The following DLC1 variants were observed in gnomAD, a reference collection of about 807,000 sequenced individuals.
DLC1 encodes rho GTPase-activating protein 7.
A neutral mutation model predicts 140.3 loss-of-function variants in DLC1; 54 were observed. The observed-to-expected ratio is 0.38, with a 90% CI of 0.31 to 0.48. DLC1 has a LOEUF of 0.48. Ranked by LOEUF, DLC1 falls within the 20% of genes least tolerant of loss-of-function variation. The probability of loss-of-function intolerance (pLI) is 0.96; values close to 1 mark genes in which losing one functional copy is unlikely to be tolerated. For synonymous variants in DLC1, 986 were observed against 728.1 expected, an observed-to-expected ratio of 1.35 and a Z score of -5.70; for missense variants, 2,536 against 1,907.0, an observed-to-expected ratio of 1.33 and a Z score of -6.14.
chr8:13,131,872 C>T (rs891757254), intron 5 of DLC1, among the ~76,000 whole-genome samples: 1 of 152,218 alleles, frequency 6.6e-6, no homozygotes, highest in Non-Finnish European at 1.5e-5. Flanking sequence ...TCACTTTCCT[C>T]GCCCCAGGGG....
intron 4 of DLC1, among the ~76,000 whole-genome samples, chr8:13,318,145 A>C (rs1832930415): frequency 6.6e-6 from 1 of 151,916 alleles, no homozygotes; most frequent in South Asian, 2.1e-4. Flanking sequence ...CTCTTGCCTC[A>C]GTCTCCTGAG....
chr8:13,558,360 T>G (rs567724299), intron 1 of DLC1: 1 of 152,258 alleles, frequency 6.6e-6, no homozygotes, highest in East Asian at 1.9e-4. Flanking sequence ...GTTATGGTAT[T>G]TTGTGACTGA....
chr8:13,154,430 G>A (rs1356002145), intron 5 of DLC1, among the ~76,000 whole-genome samples: 1 of 152,240 alleles, frequency 6.6e-6, no homozygotes, highest in Non-Finnish European at 1.5e-5. Context: ...CTCCGCAGCT[G>A]CTGGCCTGCG....
chr8:13,580,778 G>GCC (rs1423195795), intron 1 of DLC1, among the ~76,000 whole-genome samples: 1 of 152,184 alleles, frequency 6.6e-6, no homozygotes, highest in African/African-American at 2.4e-5. Flanking sequence ...AGAGGTGAAA[G>GCC]CCCCCACACA....
In DLC1 at chr8:13,546,459, T is replaced by C. The variant is rs185089223; in HGVS notation, c.-125-46263A>G. Among the ~76,000 whole-genome samples, 107 of 152,304 alleles carry C rather than the reference T, an allele frequency of 7.0e-4. 2 individuals carry two copies. In the East Asian group the frequency reaches 0.019, roughly 27 times the overall value. On this transcript the variant is annotated intron_variant, in intron 1 of 1. Transcript: ENST00000631382. ...ATATTGAACTTAACAAAGGAAATTT[T>C]TCTTTAAAAAAGCACATTTATCTAC...
At chr8:13,438,940 G>C (rs1585109025) in intron 2 of DLC1, among the ~76,000 whole-genome samples, 2 of 152,144 alleles carry the variant, frequency 1.3e-5, no homozygotes, top group Admixed American at 1.3e-4. Flanking sequence ...TCTCTGTTGT[G>C]ACTAGTTAGC....
At chr8:13,528,830 C>T (rs547717809) in intron 1 of DLC1, among the ~76,000 whole-genome samples, 1 of 152,316 alleles carries the variant, frequency 6.6e-6, no homozygotes, top group East Asian at 1.9e-4. Context: ...AACAGACCCA[C>T]TGAACTTGGA....
chr8:13,142,233 C>T (rs1055729435), intron 5 of DLC1, among the ~76,000 whole-genome samples: 1 of 152,174 alleles, frequency 6.6e-6, no homozygotes, highest in African/African-American at 2.4e-5. Context: ...ATTACCCAGT[C>T]TTGGGTATTT....
chr8:13,511,086 A>G (rs1435414142), intron 1 of DLC1, among the ~76,000 whole-genome samples: 2 of 152,188 alleles, frequency 1.3e-5, no homozygotes, highest in Non-Finnish European at 2.9e-5. Context: ...TGCTGGGAAT[A>G]AAAGAAACAC....
At chr8:13,124,286 T>A (rs1364649171) in intron 5 of DLC1, among the ~76,000 whole-genome samples, 4 of 152,106 alleles carry the variant, frequency 2.6e-5, no homozygotes, top group Non-Finnish European at 1.5e-5. Context: ...CTGTACTCCT[T>A]TATTTAAGGA....
chr8:13,253,292 T>C (rs1830085611), intron 5 of DLC1, among the ~76,000 whole-genome samples: 1 of 152,246 alleles, frequency 6.6e-6, no homozygotes, highest in East Asian at 1.9e-4. Flanking sequence ...GGTAATTTTC[T>C]TTGCTTCTTG....
chr8:13,367,010 A>G (rs765697475), intron 4 of DLC1, among the ~76,000 whole-genome samples: 3 of 151,892 alleles, frequency 2.0e-5, no homozygotes, highest in Non-Finnish European at 2.9e-5. Context: ...CCAACCACGA[A>G]CTTTGCCTCC....
intron 5 of DLC1, among the ~76,000 whole-genome samples, chr8:13,119,339 A>C (rs1375630964): frequency 6.6e-6 from 1 of 152,088 alleles, no homozygotes; most frequent in Non-Finnish European, 1.5e-5. Context: ...CTCTAGCCAA[A>C]GTAAATTTGG....
chr8:13,578,150 T>A (rs1804912417), intron 1 of DLC1, among the ~76,000 whole-genome samples: 2 of 152,112 alleles, frequency 1.3e-5, no homozygotes. Context: ...CACTTTGACC[T>A]TCAGTAACTC....
chr8:13,386,125 G>A (rs977541620), intron 4 of DLC1, among the ~76,000 whole-genome samples: 2 of 152,006 alleles, frequency 1.3e-5, no homozygotes, highest in African/African-American at 2.4e-5. Context: ...ATTGGTCCAC[G>A]GAAAAACTAA....
At chr8:13,239,251 T>G (rs1829438184) in intron 5 of DLC1, among the ~76,000 whole-genome samples, 1 of 152,090 alleles carries the variant, frequency 6.6e-6, no homozygotes, top group African/African-American at 2.4e-5. Flanking sequence ...AGTAAGAGCT[T>G]GACTGTATAT....
chr8:13,091,174 G>A (rs1818038266), intron 14 of DLC1, 144 bp downstream of exon 14: 31 of 659,690 alleles, frequency 4.7e-5, no homozygotes, highest in South Asian at 2.2e-5. Flanking sequence ...TATAATATAT[G>A]TAAATAAGAC....
At chr8:13,544,238 A>G (rs919971214) in intron 1 of DLC1, among the ~76,000 whole-genome samples, 1 of 151,612 alleles carries the variant, frequency 6.6e-6, no homozygotes, top group Non-Finnish European at 1.5e-5. Context: ...ATAGGAAGTA[A>G]CTTACTAGAT....
intron 1 of DLC1, among the ~76,000 whole-genome samples, chr8:13,510,754 C>G (rs1182722005): frequency 1.3e-5 from 2 of 152,142 alleles, no homozygotes; most frequent in African/African-American, 4.8e-5. Context: ...CTTTTAATTT[C>G]AAACCATTTC....
Sources: allele counts gnomAD v4.1 joint callset (sites outside exome capture counted in the v4.1 genomes callset), GRCh38; gene constraint gnomAD v4.1.1; transcripts MANE v1.5; gene names NCBI Gene and HGNC (gene_info 2026-07-23, HGNC 2026-07-21).